The following TMEM30A variants were observed in gnomAD, a reference collection of about 807,000 sequenced individuals.
TMEM30A encodes cell division cycle 50 P4-ATPase accessory subunit A, also known as cell cycle control protein 50A.
In TMEM30A, 24 loss-of-function variants were observed where a neutral mutation model predicts 38.2. The observed-to-expected ratio is 0.63, with a 90% CI of 0.46 to 0.88. The LOEUF is 0.88. Ranked by LOEUF, TMEM30A falls within the 40% of genes least tolerant of loss-of-function variation. The pLI, the probability that TMEM30A is intolerant of heterozygous loss-of-function variation, is 0.00. For synonymous variants in TMEM30A, 145 were observed against 161.6 expected, an observed-to-expected ratio of 0.90 and a Z score of 0.78; for missense variants, 370 against 458.6, an observed-to-expected ratio of 0.81 and a Z score of 1.77.
chr6:75,276,046 A>G (rs1772254407), intron 1 of TMEM30A, among the ~76,000 whole-genome samples: 1 of 152,204 alleles, frequency 6.6e-6, no homozygotes. Flanking sequence ...TATTGAGTCA[A>G]TCATGTGTAC....
intron 3 of TMEM30A, 29 bp downstream of exon 3, chr6:75,265,202 C>G: frequency 7.6e-7 from 1 of 1,307,692 alleles, no homozygotes; most frequent in African/African-American, 1.5e-5. Context: ...TTACAGATAT[C>G]ATATTTTCAT....
intron 1 of TMEM30A, among the ~76,000 whole-genome samples, chr6:75,278,632 T>C (rs186592262): frequency 2.0e-5 from 3 of 152,252 alleles, no homozygotes; most frequent in East Asian, 1.9e-4. Flanking sequence ...AGAACCTCCA[T>C]GACAGCTTCA....
Position 75,260,924 on chromosome 6 carries a change from A to G in TMEM30A, c.454-13T>C. The G allele has an allele frequency of 6.4e-7, 1 of 1,571,052 alleles. No individual in the cohort carries two copies. Among genetic ancestry groups the G allele is most frequent in the East Asian group, 2.3e-5 (1 of 44,274 alleles). On this transcript the variant is annotated splice_polypyrimidine_tract_variant and intron_variant, in intron 3 of 6. Transcript: ENST00000230461. Reference sequence around the variant, plus strand: ...CCTTACTGGGATTCTGGTTTTTACAAGGAAAAGAAGAGAGAAATTATTATC... The same window carrying G: ...CCTTACTGGGATTCTGGTTTTTACAGGGAAAAGAAGAGAGAAATTATTATC...
intron 3 of TMEM30A, among the ~76,000 whole-genome samples, chr6:75,262,135 C>A (rs1053050319): frequency 6.6e-6 from 1 of 151,854 alleles, no homozygotes; most frequent in Non-Finnish European, 1.5e-5. Flanking sequence ...TCCCTTGAGT[C>A]CAGGTGTTCG....
chr6:75,278,153 A>C (rs1445711181), intron 1 of TMEM30A, among the ~76,000 whole-genome samples: 2 of 152,194 alleles, frequency 1.3e-5, no homozygotes. Flanking sequence ...ATATTATTAT[A>C]ATCAATATAA....
chr6:75,265,050 CTG>C (rs1419517621), intron 3 of TMEM30A, among the ~76,000 whole-genome samples, 179 bp downstream of exon 3: 7 of 151,350 alleles, frequency 4.6e-5, no homozygotes, highest in Admixed American at 4.6e-4. Context: ...TGAGCTGAGA[CTG>C]TGCCACTGCA....
chr6:75,276,128 T>C (rs1772255459), intron 1 of TMEM30A, among the ~76,000 whole-genome samples: 1 of 152,224 alleles, frequency 6.6e-6, no homozygotes, highest in African/African-American at 2.4e-5. Context: ...CACATGGAAG[T>C]GCCTGAAGTG....
intron 1 of TMEM30A, among the ~76,000 whole-genome samples, chr6:75,281,048 T>C (rs1772349710): frequency 6.6e-6 from 1 of 152,100 alleles, no homozygotes; most frequent in African/African-American, 2.4e-5. Flanking sequence ...TGAGAGTTTA[T>C]CAAACGTGGG....
chr6:75,262,247 T>C (rs947949870), intron 3 of TMEM30A, among the ~76,000 whole-genome samples: 5 of 151,350 alleles, frequency 3.3e-5, no homozygotes, highest in African/African-American at 1.2e-4. Context: ...CTTAGGAGGG[T>C]GAGGTGGGTG....
In TMEM30A at chr6:75,260,882, T is replaced by C; in HGVS notation, c.483A>G (p.Arg161=). 1 of 1,602,784 alleles carries C rather than the reference T, an allele frequency of 6.2e-7. No individual in the cohort carries two copies. The highest frequency in any genetic ancestry group is 1.3e-5 in the African/African-American group (1 of 74,514). Residue 161 remains arginine (R), a synonymous_variant, in exon 4 of 7, where the codon CGA becomes CGG. Transcript: ENST00000230461. The part of the protein sequence containing the change: ...LNPSKECEPY[R]RNEDKPIAPC... ...GAGCAATTGGTTTGTCTTCATTTCT[T>C]CGATAAGGTTCACATTCCTTACTGG...
chr6:75,254,080 G>A lies in TMEM30A; in HGVS notation c.*2022C>T, dbSNP rs951139113. 6.6e-6 allele frequency: 1 copy of A among 152,090 alleles called. No homozygotes were observed. The highest frequency in any genetic ancestry group is 1.5e-5 in the Non-Finnish European group (1 of 67,982). 9.4% of individuals were successfully genotyped at this position (152,090 alleles called of 1,614,324 possible). A position where few individuals can be genotyped will look rare whatever the true frequency, so the allele number is the denominator to read the frequency against. ...TATTTAGCAACAGGAGTTCCTTAGAGATCAAACAGCAGAAAACAGGAGGAA... is the reference window on the plus strand; with the variant it reads ...TATTTAGCAACAGGAGTTCCTTAGAAATCAAACAGCAGAAAACAGGAGGAA... On this transcript the variant is annotated 3_prime_UTR_variant, in exon 7 of 7. Transcript: ENST00000230461.
chr6:75,277,305 C>A (rs1582285919), intron 1 of TMEM30A, among the ~76,000 whole-genome samples: 2 of 91,666 alleles, frequency 2.2e-5, no homozygotes, highest in African/African-American at 3.9e-5. Flanking sequence ...TGTCCTCATC[C>A]AAAAAAAAAA....
chr6:75,283,511 TAA>T lies in TMEM30A; in HGVS notation c.237+889_237+890del, dbSNP rs1772395408. On this transcript the variant is annotated intron_variant, in intron 1 of 6. Transcript: ENST00000230461. ...TGTCAACCGTCTTCGCCCCTGCAGA[TAA>T]AGATACTGTGCTTTCGACAAAGAAA... Among the ~76,000 whole-genome samples, 3 of 152,286 alleles carry T rather than the reference TAA, an allele frequency of 2.0e-5. No individual in the cohort carries two copies. In the South Asian group the frequency reaches 6.2e-4, roughly 32 times the overall value.
At chr6:75,271,173 C>T (rs984245624) in intron 1 of TMEM30A, among the ~76,000 whole-genome samples, 7 of 152,082 alleles carry the variant, frequency 4.6e-5, no homozygotes, top group Admixed American at 6.6e-5. Flanking sequence ...CCATATTATA[C>T]GCTTTTGAAC....
chr6:75,267,893 T>A, intron 1 of TMEM30A, 145 bp from the exon 2 acceptor site: 1 of 461,032 alleles, frequency 2.2e-6, no homozygotes, highest in Middle Eastern at 3.7e-4. Flanking sequence ...GTCATCTGTT[T>A]GACAGTGTGA....
At chr6:75,273,277 C>A (rs1458100076) in intron 1 of TMEM30A, among the ~76,000 whole-genome samples, 2 of 152,054 alleles carry the variant, frequency 1.3e-5, no homozygotes, top group Non-Finnish European at 2.9e-5. Context: ...TTGAGGAGAA[C>A]AACATAATCA....
chr6:75,270,845 T>C (rs529935929), intron 1 of TMEM30A, among the ~76,000 whole-genome samples: 3 of 152,322 alleles, frequency 2.0e-5, no homozygotes, highest in Non-Finnish European at 4.4e-5. Context: ...ACTGATGAAA[T>C]TGTTTAGAGA....
chr6:75,256,434 T>TCA lies in TMEM30A; in HGVS notation c.893-141_893-140dup, dbSNP rs61289920. On this transcript the variant is annotated intron_variant, in intron 6 of 6. Transcript: ENST00000230461. Reference sequence around the variant, plus strand: ...AGGTACCTCACTCCTACGTTCTAAATCACACACACACACACACAAAGTATT... The same window carrying TCA: ...AGGTACCTCACTCCTACGTTCTAAATCACACACACACACACACACAAAGTATT... 1.7e-3 allele frequency: 900 copies of TCA among 537,476 alleles called. 3 individuals are homozygous for TCA. Among genetic ancestry groups the TCA allele is most frequent in the South Asian group, 1.7e-3 (61 of 35,398 alleles). The allele number at this position is 537,476 out of a possible 1,614,324, so 33.3% of individuals were successfully genotyped here. A position where few individuals can be genotyped will look rare whatever the true frequency, so the allele number is the denominator to read the frequency against.
intron 6 of TMEM30A, 66 bp downstream of exon 6, chr6:75,258,714 G>A: frequency 1.4e-6 from 2 of 1,408,846 alleles, no homozygotes; most frequent in Non-Finnish European, 2.0e-6. Flanking sequence ...CCACATAACA[G>A]ATATAAGGTT....
Sources: allele counts gnomAD v4.1 joint callset (sites outside exome capture counted in the v4.1 genomes callset), GRCh38; gene constraint gnomAD v4.1.1; transcripts MANE v1.5; gene names NCBI Gene and HGNC (gene_info 2026-07-23, HGNC 2026-07-21).